Variants in DCHS2 observed in about 807,000 individuals in gnomAD.
DCHS2 encodes protocadherin-23.
In DCHS2, 142 loss-of-function variants were observed where a neutral mutation model predicts 182.4. The ratio of observed to expected loss-of-function variants is 0.78; its 90% CI spans 0.68 to 0.89. The LOEUF is 0.89. DCHS2 is among the 40% of genes least tolerant of loss of function. The probability of loss-of-function intolerance (pLI) is 0.00; values close to 1 mark genes in which losing one functional copy is unlikely to be tolerated. For missense variants in DCHS2, 4,319 were observed against 4,198.6 expected (o/e 1.03, Z -0.79); for synonymous variants, 1,740 against 1,663.3 (o/e 1.05, Z -1.12).
intron 1 of DCHS2, among the ~76,000 whole-genome samples, chr4:154,400,613 G>A (rs1254617760): frequency 2.6e-5 from 4 of 152,080 alleles, no homozygotes; most frequent in Non-Finnish European, 4.4e-5. Flanking sequence ...AGAAGAATGC[G>A]GCTCTTCACT....
At chr4:154,278,672 T>A (rs1733982991) in intron 13 of DCHS2, among the ~76,000 whole-genome samples, 1 of 149,156 alleles carries the variant, frequency 6.7e-6, no homozygotes, top group South Asian at 2.1e-4. Flanking sequence ...GGAGCTCCCA[T>A]AAGATTAAGT....
In DCHS2 at chr4:154,275,044, AT is replaced by A. The variant is rs10671130; in HGVS notation, c.6464-5032del. ...GACCCCTAAACCAAGCCAAATTGTT[AT>A]TTTTTTTTTCTGGATATGTAAAAGG... is the stretch of plus-strand genomic sequence containing the variant. On this transcript the variant is annotated intron_variant, in intron 13 of 19. Transcript: ENST00000357232. Among the ~76,000 whole-genome samples, 54 of 150,080 alleles carry A rather than the reference AT, an allele frequency of 3.6e-4. No homozygotes were observed. The Middle Eastern group carries it at 0.01, about 29-fold the overall frequency.
Position 154,459,059 on chromosome 4 carries a change from G to T in DCHS2, c.2052+30245C>A, listed in dbSNP as rs141711256. 3.9e-3 allele frequency among the ~76,000 whole-genome samples: 600 copies of T among 152,292 alleles called. 4 individuals carry two copies. The highest frequency in any genetic ancestry group is 6.6e-3 in the Non-Finnish European group (452 of 68,024). ...TCTATTACATTTCCAAGAAGATAATGTCTTTGCAGTTACACAATGGAGGCC... is the reference window on the plus strand; with the variant it reads ...TCTATTACATTTCCAAGAAGATAATTTCTTTGCAGTTACACAATGGAGGCC... On this transcript the variant is annotated intron_variant, in intron 1 of 19. Coordinates refer to ENST00000357232, the MANE Select transcript of DCHS2 (RefSeq NM_001358235.2).
chr4:154,384,845 T>C (rs1211844838), intron 1 of DCHS2, among the ~76,000 whole-genome samples: 1 of 152,128 alleles, frequency 6.6e-6, no homozygotes, highest in Non-Finnish European at 1.5e-5. Flanking sequence ...CCCTGCTGGA[T>C]TGCAGACTTC....
intron 16 of DCHS2, among the ~76,000 whole-genome samples, chr4:154,254,586 C>A (rs530640884): frequency 5.3e-5 from 8 of 152,170 alleles, no homozygotes; most frequent in Non-Finnish European, 1.0e-4. Context: ...CCTGTAATCC[C>A]AGCACTTTGG....
chr4:154,267,870 C>A (rs1228141322), intron 14 of DCHS2, among the ~76,000 whole-genome samples: 1 of 152,192 alleles, frequency 6.6e-6, no homozygotes, highest in African/African-American at 2.4e-5. Context: ...ATCTGTGTAA[C>A]CATCTCTTAC....
chr4:154,389,263 T>C (rs1280384373), intron 1 of DCHS2, among the ~76,000 whole-genome samples: 4 of 152,114 alleles, frequency 2.6e-5, no homozygotes, highest in East Asian at 3.9e-4. Context: ...CCTTTTGTAC[T>C]AGGTGGTACA....
intron 17 of DCHS2, among the ~76,000 whole-genome samples, chr4:154,241,331 G>A (rs1191827323): frequency 2.6e-5 from 4 of 152,050 alleles, no homozygotes; most frequent in Non-Finnish European, 5.9e-5. Flanking sequence ...TTGGAGTGGT[G>A]CACACACTGC....
At chr4:154,402,874 G>C (rs1732247466) in intron 1 of DCHS2, among the ~76,000 whole-genome samples, 1 of 152,108 alleles carries the variant, frequency 6.6e-6, no homozygotes. Context: ...GAATTTTGTA[G>C]TTTCCAGTGT....
chr4:154,409,500 G>A (rs59008095), intron 1 of DCHS2, among the ~76,000 whole-genome samples: 4,061 of 152,204 alleles, frequency 0.027, 156 homozygotes, highest in South Asian at 0.14. Context: ...CTGTCCCCAA[G>A]GGTCAGCTAC....
chr4:154,286,246 A>G (rs1006056721), intron 13 of DCHS2, among the ~76,000 whole-genome samples: 2 of 151,786 alleles, frequency 1.3e-5, no homozygotes, highest in Non-Finnish European at 2.9e-5. Flanking sequence ...GATGCAAACA[A>G]CCTAGATGGC....
At chr4:154,276,015 TCCTC>T (rs1733840245) in intron 13 of DCHS2, among the ~76,000 whole-genome samples, 1 of 152,098 alleles carries the variant, frequency 6.6e-6, no homozygotes, top group African/African-American at 2.4e-5. Context: ...TATATGTTCT[TCCTC>T]TGACAAAGTC....
At chr4:154,283,714 G>C (rs1048894782) in intron 13 of DCHS2, among the ~76,000 whole-genome samples, 4 of 152,170 alleles carry the variant, frequency 2.6e-5, no homozygotes, top group Non-Finnish European at 5.9e-5. Flanking sequence ...ACAGAAGACT[G>C]TATTTAAGAC....
intron 13 of DCHS2, among the ~76,000 whole-genome samples, chr4:154,280,788 A>G (rs1734094803): frequency 6.6e-6 from 1 of 151,922 alleles, no homozygotes; most frequent in South Asian, 2.1e-4. Flanking sequence ...AACCAAAAGC[A>G]TTTATGCTAA....
At chr4:154,331,699 A>G (rs893313478) in intron 5 of DCHS2, 1 of 1,613,270 alleles carries the variant, frequency 6.2e-7, no homozygotes, top group Non-Finnish European at 8.5e-7. Context: ...TATGACATAG[A>G]TGGTGCCTGC....
chr4:154,338,428 T>A (rs181444099), intron 3 of DCHS2, among the ~76,000 whole-genome samples: 1 of 152,294 alleles, frequency 6.6e-6, no homozygotes, highest in Admixed American at 6.5e-5. Flanking sequence ...AAATCACTAA[T>A]AATAATGAAA....
In DCHS2 at chr4:154,377,259, C is replaced by G; in HGVS notation, c.2238G>C (p.Lys746Asn). ...TTCATACATAAAAACTTACCCCATC[C>G]TTAGCTTCCACCAGGAGATCATAGG... ...PATYDLLVEA[K>N]DGGGLSAQAF... is the part of the protein sequence containing the mutation. Residue 746 changes from lysine (K) to asparagine (N), a missense_variant, in exon 2 of 20, where the codon AAG becomes AAC. Transcript: ENST00000357232. 6.2e-7 allele frequency: 1 copy of G among 1,613,094 alleles called. No individual in the cohort carries two copies. Among genetic ancestry groups the G allele is most frequent in the African/African-American group, 1.3e-5 (1 of 74,970 alleles).
rs75120883 is a variant in DCHS2 at position 154,430,298 on chromosome 4, G to C, written c.2053-52854C>G. Among the ~76,000 whole-genome samples the C allele has an allele frequency of 1.3e-4, 20 of 152,284 alleles. No individual in the cohort carries two copies. The East Asian group carries it at 3.3e-3, about 25-fold the overall frequency. On this transcript the variant is annotated intron_variant, in intron 1 of 19. Coordinates refer to ENST00000357232, the MANE Select transcript of DCHS2 (RefSeq NM_001358235.2). ...AGGCCATACCCTACAGCCATGAAAAGTTTTCAGAGTCCAACTGAGAACTTC... is the reference window on the plus strand; with the variant it reads ...AGGCCATACCCTACAGCCATGAAAACTTTTCAGAGTCCAACTGAGAACTTC...
chr4:154,257,806 A>G (rs1410956942), intron 15 of DCHS2, among the ~76,000 whole-genome samples: 4 of 152,258 alleles, frequency 2.6e-5, no homozygotes, highest in Non-Finnish European at 5.9e-5. Flanking sequence ...GAAAATGGAA[A>G]GAACAAAGTT....
Sources: allele counts gnomAD v4.1 joint callset (sites outside exome capture counted in the v4.1 genomes callset), GRCh38; gene constraint gnomAD v4.1.1; transcripts MANE v1.5; gene names NCBI Gene and HGNC (gene_info 2026-07-23, HGNC 2026-07-21).